Variants in EXOC3 observed in about 807,000 individuals in gnomAD.
EXOC3 encodes the protein exocyst complex component 3.
Under a neutral mutation model 73.7 loss-of-function variants are expected in EXOC3, and 21 were observed. The ratio of observed to expected loss-of-function variants is 0.29; its 90% CI spans 0.20 to 0.41. The LOEUF (loss-of-function observed/expected upper bound fraction) is 0.41, where lower values mean the gene tolerates loss of function less well. Ranked by LOEUF, EXOC3 falls within the 10% of genes least tolerant of loss-of-function variation. The probability of loss-of-function intolerance (pLI) is 1.00; values close to 1 mark genes in which losing one functional copy is unlikely to be tolerated. For missense variants in EXOC3, 842 were observed against 985.1 expected, an observed-to-expected ratio of 0.85 and a Z score of 1.95; for synonymous variants, 410 against 389.1, an observed-to-expected ratio of 1.05 and a Z score of -0.63.
intron 3 of EXOC3, among the ~76,000 whole-genome samples, chr5:450,185 AC>A (rs1421914083): frequency 6.6e-6 from 1 of 152,194 alleles, no homozygotes; most frequent in Non-Finnish European, 1.5e-5. Context: ...GGCAGAGGTC[AC>A]AGTGAGCCGA....
At chr5:459,184 T>G (rs1258747644) in intron 6 of EXOC3, among the ~76,000 whole-genome samples, 175 bp from the exon 7 acceptor site, 2 of 151,160 alleles carry the variant, frequency 1.3e-5, no homozygotes, top group African/African-American at 2.4e-5. Flanking sequence ...AAAGTTGTTT[T>G]TTTTTTTTTT....
intron 5 of EXOC3, chr5:457,635 G>T (rs1488547929): frequency 5.5e-6 from 2 of 362,498 alleles, no homozygotes; most frequent in South Asian, 3.3e-5. Flanking sequence ...CCAGCATGAG[G>T]TGCAGCCAAA....
At chr5:444,765 G>A (rs1050500177) in intron 1 of EXOC3, among the ~76,000 whole-genome samples, 3 of 145,694 alleles carry the variant, frequency 2.1e-5, no homozygotes, top group Admixed American at 6.8e-5. Flanking sequence ...GGGATATAGC[G>A]GGGGTTACCC....
intron 4 of EXOC3, among the ~76,000 whole-genome samples, chr5:455,024 G>GGTGGCTCTCTGCAACC (rs1553991840): frequency 2.5e-3 from 138 of 55,410 alleles, no homozygotes; most frequent in African/African-American, 0.015. Flanking sequence ...TCTGTGCAAT[G>GGTGGCTCTCTGCAACC]GTGGCTCTCT....
Position 467,086 on chromosome 5 carries a change from C to T in EXOC3, c.*188C>T. 1.6e-6 allele frequency: 1 copy of T among 614,688 alleles called. No individual in the cohort carries two copies. The highest frequency in any genetic ancestry group is 2.8e-6 in the Non-Finnish European group (1 of 351,780). The allele number at this position is 614,688 out of a possible 1,614,324, so 38.1% of individuals were successfully genotyped here. ...CGAGGCCACGTGCGGAGGCCCCTCA[C>T]TGTGCTGTCAAAGGCCTGTGGGTGC... On this transcript the variant is annotated 3_prime_UTR_variant, in exon 13 of 13. Transcript: ENST00000512944.
chr5:447,607 A>G lies in EXOC3; in HGVS notation c.219A>G (p.Lys73=), dbSNP rs748987044. Residue 73 remains lysine, a synonymous_variant, in exon 3 of 13, where the codon AAA becomes AAG. Coordinates refer to ENST00000512944, the MANE Select transcript of EXOC3 (RefSeq NM_007277.5). The stretch of plus-strand genomic sequence containing the variant: ...TCCACAACGCCCTGAATGACGTCAA[A>G]GACATCCAGCAGTCGCTGGCAGACG... The part of the protein sequence containing the change: ...SQLHNALNDV[K]DIQQSLADVS... 1.0e-4 allele frequency: 159 copies of G among 1,589,080 alleles called. No individual in the cohort carries two copies. Among genetic ancestry groups the G allele is most frequent in the Non-Finnish European group, 1.3e-4 (151 of 1,167,714 alleles).
intron 9 of EXOC3, among the ~76,000 whole-genome samples, chr5:463,335 A>G (rs1185887799): frequency 1.3e-5 from 2 of 152,250 alleles, no homozygotes; most frequent in African/African-American, 4.8e-5. Flanking sequence ...AAAATTTAAA[A>G]AGAATATATA....
intron 4 of EXOC3, 55 bp downstream of exon 4, chr5:454,106 G>T: frequency 7.0e-7 from 1 of 1,432,914 alleles, no homozygotes; most frequent in South Asian, 1.3e-5. Flanking sequence ...TGTGTGAGAG[G>T]GGCCTGCAGC....
intron 12 of EXOC3, 182 bp from the exon 13 acceptor site, chr5:466,545 A>C: frequency 1.7e-6 from 1 of 581,310 alleles, no homozygotes; most frequent in Non-Finnish European, 3.0e-6. Flanking sequence ...GGATTGAGAA[A>C]AGACAGAGTA....
rs186653963 is a variant in EXOC3, at chr5:450,119, G to T, written c.364+2367G>T. Among the ~76,000 whole-genome samples the T allele has an allele frequency of 2.0e-5, 3 of 152,054 alleles. No individual in the cohort carries two copies. In the East Asian group the frequency reaches 5.8e-4, roughly 29 times the overall value. On this transcript the variant is annotated intron_variant, in intron 3 of 12. Transcript: ENST00000512944. ...AAATTAGCCGGGCGTGGTGGCAGGC[G>T]CCTGTAATCCCAGCTACTCAGGAGG... is the stretch of plus-strand genomic sequence containing the variant.
At chr5:448,331 C>A (rs936698374) in intron 3 of EXOC3, among the ~76,000 whole-genome samples, 17 of 152,188 alleles carry the variant, frequency 1.1e-4, no homozygotes, top group Non-Finnish European at 1.5e-4. Flanking sequence ...ACGGTGCCAG[C>A]TGGCCCTGGG....
chr5:449,988 G>A (rs375420149), intron 3 of EXOC3, among the ~76,000 whole-genome samples: 177 of 152,318 alleles, frequency 1.2e-3, no homozygotes, highest in African/African-American at 4.0e-3. Flanking sequence ...GCTCACGCCC[G>A]TCATCCCAGC....
chr5:446,493 G>T, intron 2 of EXOC3, 144 bp downstream of exon 2: 1 of 737,284 alleles, frequency 1.4e-6, no homozygotes, highest in South Asian at 1.9e-5. Flanking sequence ...ACTTTCAGCA[G>T]TGTATTACCA....
In EXOC3 at chr5:447,789, C is replaced by T. The variant is rs181597041; in HGVS notation, c.364+37C>T. The T allele has an allele frequency of 9.1e-4, 1,298 of 1,429,324 alleles. 6 individuals carry two copies. The highest frequency in any genetic ancestry group is 4.8e-3 in the South Asian group (357 of 74,142). The allele number at this position is 1,429,324 out of a possible 1,614,324, so 88.5% of individuals were successfully genotyped here. On this transcript the variant is annotated intron_variant, in intron 3 of 12. Transcript: ENST00000512944. ...ACGCCGAGGCACTTGCCCCCACTCA[C>T]GCTGTCTTTGCATGACTCACTGAGT... is the stretch of plus-strand genomic sequence containing the variant.
At chr5:462,827 C>T (rs1027721976) in intron 9 of EXOC3, among the ~76,000 whole-genome samples, 1 of 152,156 alleles carries the variant, frequency 6.6e-6, no homozygotes, top group Non-Finnish European at 1.5e-5. Context: ...CCTTGTAGGC[C>T]GGGTGTGGTG....
rs764874778 is a variant in EXOC3, at chr5:457,986, C to T, written c.1251C>T (p.Asp417=). 2.0e-5 allele frequency: 33 copies of T among 1,612,538 alleles called. No homozygotes were observed. Among genetic ancestry groups the T allele is most frequent in the Admixed American group, 1.8e-4 (11 of 59,856 alleles). Reference sequence around the variant, plus strand: ...AGACAGAGCCAGAAGCCGACCAGGACGGGTACTACCAGACCACACTCCCTG... The same window carrying T: ...AGACAGAGCCAGAAGCCGACCAGGATGGGTACTACCAGACCACACTCCCTG... ...VKETEPEADQ[D]GYYQTTLPAI... The change falls in exon 6 of 13, where the codon GAC becomes GAT. Residue 417 remains aspartate, a synonymous_variant. Transcript: ENST00000512944.
chr5:465,572 C>T lies in EXOC3; in HGVS notation c.1939-146C>T, dbSNP rs145967591. 1,533 of 1,048,788 alleles carry T rather than the reference C, an allele frequency of 1.5e-3. 15 individuals carry two copies. In the African/African-American group the frequency reaches 0.02, roughly 14 times the overall value. 65.0% of individuals were successfully genotyped at this position (1,048,788 alleles called of 1,614,324 possible). A position where few individuals can be genotyped will look rare whatever the true frequency, so the allele number is the denominator to read the frequency against. On this transcript the variant is annotated intron_variant, in intron 11 of 12. Coordinates refer to ENST00000512944, the MANE Select transcript of EXOC3 (RefSeq NM_007277.5). ...TCTCGCCCTCACCCCAGACCCCTGG[C>T]CCTGTCACTGAGCTTTCAGAGTAGA... is the stretch of plus-strand genomic sequence containing the variant.
At chr5:445,746 T>G (rs1737488951) in intron 1 of EXOC3, among the ~76,000 whole-genome samples, 1 of 152,174 alleles carries the variant, frequency 6.6e-6, no homozygotes, top group Non-Finnish European at 1.5e-5. Context: ...ACGCTGTATT[T>G]GTCTTCACTG....
In EXOC3 at chr5:453,637, CA is replaced by C; in HGVS notation, c.633del (p.Val212LeufsTer45). 6.2e-7 allele frequency: 1 copy of C among 1,613,982 alleles called. No individual in the cohort carries two copies. Among genetic ancestry groups the C allele is most frequent in the Non-Finnish European group, 8.5e-7 (1 of 1,179,898 alleles). ...CGCCGTGACCCCACCTTGCTGGTCT[CA>C]GTTGTCAGGATCATTGAAAGGGAAG... is the stretch of plus-strand genomic sequence containing the variant. ...TVRRDPTLLV[S>X]VVRIIEREEK... On this transcript the variant is annotated frameshift_variant, in exon 4 of 13. Transcript: ENST00000512944. LOFTEE classifies it high-confidence loss of function.
Sources: allele counts gnomAD v4.1 joint callset (sites outside exome capture counted in the v4.1 genomes callset), GRCh38; gene constraint gnomAD v4.1.1; transcripts MANE v1.5; gene names NCBI Gene and HGNC (gene_info 2026-07-23, HGNC 2026-07-21).